The following ZSCAN5A variants were observed in gnomAD, a reference collection of about 807,000 sequenced individuals.
ZSCAN5A encodes the protein zinc finger and SCAN domain-containing protein 5A.
A neutral mutation model predicts 23.7 loss-of-function variants in ZSCAN5A; 12 were observed. That is an observed-to-expected ratio of 0.51 (90% CI 0.32 to 0.82). The LOEUF is 0.82. ZSCAN5A is among the 40% of genes least tolerant of loss of function. ZSCAN5A has a pLI of 0.03. For synonymous variants in ZSCAN5A, 257 were observed against 239.9 expected (o/e 1.07, Z -0.66); for missense variants, 597 against 617.9 (o/e 0.97, Z 0.36).
chr19:56,279,800 C>A (rs1292484020), intron 2 of ZSCAN5A, among the ~76,000 whole-genome samples: 1 of 151,590 alleles, frequency 6.6e-6, no homozygotes, highest in African/African-American at 2.4e-5. Flanking sequence ...TCTCATGATC[C>A]ACACTGTTTT....
chr19:56,288,312 C>T (rs2039276100), intron 2 of ZSCAN5A, among the ~76,000 whole-genome samples: 1 of 152,298 alleles, frequency 6.6e-6, no homozygotes, highest in East Asian at 1.9e-4. Context: ...CCACATCGTT[C>T]CCTCTGTCTG....
chr19:56,327,665 G>A (rs2041447571), intron 2 of ZSCAN5A, among the ~76,000 whole-genome samples: 1 of 150,774 alleles, frequency 6.6e-6, no homozygotes, highest in Admixed American at 6.6e-5. Flanking sequence ...TACTATCTAG[G>A]TATAAATGTA....
intron 2 of ZSCAN5A, chr19:56,246,987 A>C (rs762725831): frequency 7.4e-7 from 1 of 1,350,688 alleles, no homozygotes; most frequent in East Asian, 2.3e-5. Flanking sequence ...AGATAAATTC[A>C]GTTTATTCCC....
chr19:56,312,170 A>T (rs2041079762), intron 2 of ZSCAN5A: 2 of 152,210 alleles, frequency 1.3e-5, no homozygotes, highest in East Asian at 3.8e-4. Context: ...TGTATTTTTC[A>T]CTTATGGCAC....
chr19:56,301,174 G>C (rs910484348), intron 2 of ZSCAN5A, among the ~76,000 whole-genome samples: 8 of 152,180 alleles, frequency 5.3e-5, no homozygotes, highest in Admixed American at 5.2e-4. Flanking sequence ...AGAAAGTAAA[G>C]GAATAAAAGA....
In ZSCAN5A at chr19:56,231,996, C is replaced by CTTTTTTTTTTTTTTTTT. The variant is rs59525392; in HGVS notation, c.-127-6824_-127-6823insAAAAAAAAAAAAAAAAA. ...TCTTTTTTCTTTCTTTTTTTCTTTT[C>CTTTTTTTTTTTTTTTTT]TTTTTTTTTGAGACAGTGTCTTGCT... On this transcript the variant is annotated intron_variant, in intron 2 of 5. Transcript: ENST00000683990. Among the ~76,000 whole-genome samples, 123 of 124,954 alleles carry CTTTTTTTTTTTTTTTTT rather than the reference C, an allele frequency of 9.8e-4. 4 individuals are homozygous for CTTTTTTTTTTTTTTTTT. The highest frequency in any genetic ancestry group is 1.2e-3 in the Non-Finnish European group (73 of 60,906). 82.0% of individuals were successfully genotyped at this position (124,954 alleles called of 152,430 possible).
chr19:56,276,720 A>G (rs1449496889), intron 2 of ZSCAN5A, among the ~76,000 whole-genome samples: 1 of 151,650 alleles, frequency 6.6e-6, no homozygotes, highest in Non-Finnish European at 1.5e-5. Context: ...TATTTTCAGT[A>G]TAGACGGGGT....
intron 2 of ZSCAN5A, among the ~76,000 whole-genome samples, chr19:56,349,361 C>G (rs752278417): frequency 1.3e-5 from 2 of 152,080 alleles, no homozygotes; most frequent in Non-Finnish European, 2.9e-5. Context: ...GGAAGCAACC[C>G]CTGACGGTCC....
At chr19:56,231,383 TTAATAA>T (rs972828228) in intron 2 of ZSCAN5A, among the ~76,000 whole-genome samples, 4 of 152,168 alleles carry the variant, frequency 2.6e-5, no homozygotes, top group African/African-American at 2.4e-5. Context: ...ATTTATAAAG[TTAATAA>T]TAATAATGAC....
chr19:56,241,438 C>A (rs117097173), intron 2 of ZSCAN5A, among the ~76,000 whole-genome samples: 2,597 of 151,486 alleles, frequency 0.017, 29 homozygotes, highest in Middle Eastern at 0.027. Flanking sequence ...ATGCTTTTTT[C>A]AAAAAAAATT....
chr19:56,334,528 A>G (rs1010834306), intron 2 of ZSCAN5A, among the ~76,000 whole-genome samples: 1 of 152,216 alleles, frequency 6.6e-6, no homozygotes, highest in Non-Finnish European at 1.5e-5. Context: ...ATATTTTGAT[A>G]TAAGCATGCA....
intron 2 of ZSCAN5A, chr19:56,246,825 G>A (rs764730359): frequency 2.5e-6 from 4 of 1,611,282 alleles, no homozygotes; most frequent in Non-Finnish European, 3.4e-6. Context: ...GCGTTGTGGA[G>A]AGAGAAGCTT....
At chr19:56,254,077 A>G (rs992446813) in intron 2 of ZSCAN5A, among the ~76,000 whole-genome samples, 16 of 151,310 alleles carry the variant, frequency 1.1e-4, no homozygotes, top group African/African-American at 3.6e-4. Flanking sequence ...TTTTTTTTAA[A>G]TAAGTCTTCC....
At chr19:56,258,349 AGTCCTT>A (rs900773860) in intron 2 of ZSCAN5A, among the ~76,000 whole-genome samples, 1 of 150,232 alleles carries the variant, frequency 6.7e-6, no homozygotes, top group African/African-American at 2.5e-5. Flanking sequence ...GAGGAAATGG[AGTCCTT>A]GTCCTTGAAG....
At chr19:56,279,525 T>TA (rs2038523040) in intron 2 of ZSCAN5A, among the ~76,000 whole-genome samples, 1 of 152,194 alleles carries the variant, frequency 6.6e-6, no homozygotes. Flanking sequence ...ACTGAGAATT[T>TA]AAAATACGTC....
chr19:56,286,091 A>G (rs2039097815), intron 2 of ZSCAN5A, among the ~76,000 whole-genome samples: 4 of 152,046 alleles, frequency 2.6e-5, no homozygotes. Context: ...GTGAGATCTC[A>G]GCTCATTGCA....
intron 2 of ZSCAN5A, among the ~76,000 whole-genome samples, chr19:56,281,322 G>C (rs1381050804): frequency 6.6e-6 from 1 of 151,366 alleles, no homozygotes; most frequent in African/African-American, 2.4e-5. Context: ...TAACCATGTA[G>C]TTCAAACCTG....
upstream of ZSCAN5A, chr19:56,317,812 T>TGG (rs1404100285): frequency 6.6e-6 from 1 of 152,280 alleles, no homozygotes; most frequent in Non-Finnish European, 1.5e-5. Context: ...GCCTTGACTA[T>TGG]GGGAGTGTTT....
At chr19:56,315,758 CTG>C (rs2041298262), upstream of ZSCAN5A, 2 of 152,160 alleles carry the variant, frequency 1.3e-5, no homozygotes, top group African/African-American at 4.8e-5. Flanking sequence ...GAGACACACT[CTG>C]TGTCTCAGTT....
Sources: gnomAD v4.1 joint callset for allele counts (sites outside exome capture counted in the v4.1 genomes callset) on GRCh38, gnomAD v4.1.1 for gene constraint, MANE v1.5 for transcripts, NCBI Gene and HGNC (gene_info 2026-07-23, HGNC 2026-07-21) for gene names.